Variants in DLG2 observed in about 807,000 individuals in gnomAD.
DLG2 encodes discs large MAGUK scaffold protein 2, also known as disks large homolog 2.
In DLG2, 45 loss-of-function variants were observed where a neutral mutation model predicts 132.5. The ratio of observed to expected loss-of-function variants is 0.34; its 90% CI spans 0.27 to 0.44. The LOEUF is 0.44. Among genes scored for constraint, DLG2 ranks in the 20% least tolerant of loss-of-function variants. The probability of loss-of-function intolerance (pLI) is 1.00; values close to 1 mark genes in which losing one functional copy is unlikely to be tolerated. For missense variants in DLG2, 1,045 were observed against 1,196.9 expected, an observed-to-expected ratio of 0.87 and a Z score of 1.87; for synonymous variants, 424 against 419.6, an observed-to-expected ratio of 1.01 and a Z score of -0.13.
At chr11:83,980,912 A>C (rs1218424183) in intron 11 of DLG2, among the ~76,000 whole-genome samples, 3 of 152,160 alleles carry the variant, frequency 2.0e-5, no homozygotes, top group Non-Finnish European at 4.4e-5. Flanking sequence ...TTCCTCAGCT[A>C]TCCTGTTTAT....
intron 6 of DLG2, among the ~76,000 whole-genome samples, chr11:84,861,458 C>A (rs2083610995): frequency 6.6e-6 from 1 of 151,902 alleles, no homozygotes; most frequent in African/African-American, 2.4e-5. Context: ...GGCATAGTAA[C>A]TGTCACCTAG....
chr11:85,058,814 T>C (rs2063727464), intron 6 of DLG2, among the ~76,000 whole-genome samples: 1 of 151,456 alleles, frequency 6.6e-6, no homozygotes, highest in African/African-American at 2.4e-5. Context: ...TATATATCCA[T>C]ATGAGGGAAA....
At chr11:84,487,568 T>A (rs1356915202) in intron 7 of DLG2, among the ~76,000 whole-genome samples, 4 of 152,150 alleles carry the variant, frequency 2.6e-5, no homozygotes, top group South Asian at 4.1e-4. Context: ...GAAAACTTTT[T>A]AATTCAATCC....
chr11:84,961,593 T>C (rs1352697921), intron 6 of DLG2, among the ~76,000 whole-genome samples: 2 of 151,348 alleles, frequency 1.3e-5, no homozygotes, highest in Non-Finnish European at 2.9e-5. Flanking sequence ...CTAAGATGCT[T>C]TGTAAGCACT....
At chr11:84,005,246 G>C (rs1271442101) in intron 11 of DLG2, among the ~76,000 whole-genome samples, 15 of 152,052 alleles carry the variant, frequency 9.9e-5, no homozygotes, top group Non-Finnish European at 7.4e-5. Context: ...ACATGTACTG[G>C]GGAAAGGACA....
intron 3 of DLG2, among the ~76,000 whole-genome samples, chr11:85,363,587 A>G (rs764862982): frequency 6.6e-6 from 1 of 152,222 alleles, no homozygotes; most frequent in Non-Finnish European, 1.5e-5. Flanking sequence ...ATGTTGTAGG[A>G]GCTCAATCTT....
intron 8 of DLG2, among the ~76,000 whole-genome samples, chr11:84,195,405 C>T (rs992755709): frequency 6.6e-6 from 1 of 152,142 alleles, no homozygotes; most frequent in African/African-American, 2.4e-5. Flanking sequence ...ACCTCGTGAT[C>T]CACCTGCCTC....
intron 6 of DLG2, among the ~76,000 whole-genome samples, chr11:84,760,918 T>C (rs2067539566): frequency 6.6e-6 from 1 of 151,954 alleles, no homozygotes. Context: ...CTCTTCCTGC[T>C]CCCCATCCAT....
At chr11:83,656,336 CCT>C (rs1445828330) in intron 18 of DLG2, among the ~76,000 whole-genome samples, 2 of 152,318 alleles carry the variant, frequency 1.3e-5, no homozygotes, top group Admixed American at 1.3e-4. Context: ...TGTCTTAGAG[CCT>C]CAGGGCCTTT....
chr11:84,573,350 T>C (rs1207213032), intron 6 of DLG2, among the ~76,000 whole-genome samples: 1 of 152,160 alleles, frequency 6.6e-6, no homozygotes, highest in Non-Finnish European at 1.5e-5. Context: ...TGAATTAATC[T>C]AAAGGAAAGC....
chr11:85,059,136 A>G (rs2063764248), intron 6 of DLG2, among the ~76,000 whole-genome samples: 1 of 151,420 alleles, frequency 6.6e-6, no homozygotes, highest in Non-Finnish European at 1.5e-5. Context: ...CAGAATACAT[A>G]TAAATCAGTA....
chr11:83,719,580 C>G (rs1034411152), intron 18 of DLG2, among the ~76,000 whole-genome samples: 4 of 152,090 alleles, frequency 2.6e-5, no homozygotes, highest in Non-Finnish European at 5.9e-5. Context: ...AGAAAAGAGG[C>G]AAGGTGGAAG....
intron 6 of DLG2, among the ~76,000 whole-genome samples, chr11:84,963,529 A>T (rs1373897798): frequency 1.3e-5 from 2 of 152,150 alleles, no homozygotes; most frequent in Non-Finnish European, 2.9e-5. Flanking sequence ...CATTATTATA[A>T]TCCTCTTTTC....
chr11:84,553,176 C>A (rs1229831782), intron 6 of DLG2, among the ~76,000 whole-genome samples: 1 of 152,110 alleles, frequency 6.6e-6, no homozygotes, highest in African/African-American at 2.4e-5. Flanking sequence ...CTATCTTATT[C>A]CCCCCAAAAT....
chr11:85,148,817 C>A (rs886728730), intron 5 of DLG2, among the ~76,000 whole-genome samples: 1 of 152,192 alleles, frequency 6.6e-6, no homozygotes, highest in African/African-American at 2.4e-5. Flanking sequence ...ATCATGAAGT[C>A]TTTGCCCATG....
intron 7 of DLG2, among the ~76,000 whole-genome samples, chr11:84,266,266 T>C (rs1459246545): frequency 1.3e-5 from 2 of 152,188 alleles, no homozygotes; most frequent in East Asian, 3.8e-4. Flanking sequence ...GATATAAAGA[T>C]AGCAGGCTCT....
At chr11:84,909,871 C>A (rs1474134002) in intron 6 of DLG2, among the ~76,000 whole-genome samples, 1 of 152,186 alleles carries the variant, frequency 6.6e-6, no homozygotes, top group Non-Finnish European at 1.5e-5. Context: ...GACCATCCCC[C>A]GCATACCCAG....
chr11:83,768,793 T>C (rs932481868), intron 18 of DLG2, among the ~76,000 whole-genome samples: 1 of 152,208 alleles, frequency 6.6e-6, no homozygotes, highest in African/African-American at 2.4e-5. Context: ...ATGGCCTTTT[T>C]CTCCTTCTAA....
In DLG2 at chr11:83,604,115, TTAAAC is replaced by T. The variant is rs566694998; in HGVS notation, c.1940+29091_1940+29095del. ...CTTGCAGAAAGTGCTGAAAAGCTAATTAAACTAAACTAAACTAAACTAAATTAAAA... is the reference window on the plus strand; with the variant it reads ...CTTGCAGAAAGTGCTGAAAAGCTAATTAAACTAAACTAAACTAAATTAAAA... On this transcript the variant is annotated intron_variant, in intron 19 of 27. Coordinates refer to ENST00000376104, the MANE Select transcript of DLG2 (RefSeq NM_001142699.3). 2.0e-3 allele frequency among the ~76,000 whole-genome samples: 307 copies of T among 152,304 alleles called. 2 individuals are homozygous for T. Among genetic ancestry groups the T allele is most frequent in the South Asian group, 0.01 (49 of 4,830 alleles).
Sources: allele counts gnomAD v4.1 joint callset (sites outside exome capture counted in the v4.1 genomes callset), GRCh38; gene constraint gnomAD v4.1.1; transcripts MANE v1.5; gene names NCBI Gene and HGNC (gene_info 2026-07-23, HGNC 2026-07-21).